Variants in STRC observed in about 807,000 individuals in gnomAD.
STRC encodes the protein stereocilin.
In STRC, 43 loss-of-function variants were observed where a neutral mutation model predicts 103.5. That is an observed-to-expected ratio of 0.42 (90% CI 0.33 to 0.54). The LOEUF is 0.54. Ranked by LOEUF, STRC falls within the 20% of genes least tolerant of loss-of-function variation. STRC has a pLI of 0.14. For missense variants in STRC, 499 were observed against 1,088.5 expected (o/e 0.46, Z 7.62); for synonymous variants, 186 against 442.3 (o/e 0.42, Z 7.27).
In STRC at chr15:43,604,952, C is replaced by T. The variant is rs1256305438; in HGVS notation, c.3931-106G>A. ...AACCTTCCCTCCCTCCTGCTCCCAG[C>T]TCAGCACCCTATGATGCTCACTACC... On this transcript the variant is annotated intron_variant, in intron 19 of 28. Coordinates refer to ENST00000450892, the MANE Select transcript of STRC (RefSeq NM_153700.2). 5.4e-6 allele frequency: 8 copies of T among 1,487,514 alleles called. No individual in the cohort carries two copies. In the East Asian group the frequency reaches 1.7e-4, roughly 31 times the overall value. 92.1% of individuals were successfully genotyped at this position (1,487,514 alleles called of 1,614,324 possible).
At position 43,604,055 on chromosome 15, in the gene STRC, G is replaced by C; in HGVS notation, c.4316C>G (p.Ala1439Gly). 1 of 1,613,302 alleles carries C rather than the reference G, an allele frequency of 6.2e-7. No individual in the cohort carries two copies. Among genetic ancestry groups the C allele is most frequent in the Non-Finnish European group, 8.5e-7 (1 of 1,179,648 alleles). The change falls in exon 22 of 29, where the codon GCT becomes GGT. Residue 1439 changes from alanine (A) to glycine (G), a missense_variant. Physicochemically the swap from Ala to Gly is moderately conservative, Grantham distance 60 (BLOSUM62 0). Transcript: ENST00000450892. ...VGQLCREPQL[A>G]AKKAALVAGV... ...TGCTACCAGGGCTGCTTTCTTGGCAGCAAGCTGTGGCTCCCTACACAGCTG... is the reference window on the plus strand; with the variant it reads ...TGCTACCAGGGCTGCTTTCTTGGCACCAAGCTGTGGCTCCCTACACAGCTG...
rs1173840605 is a variant in STRC, at chr15:43,608,119, G to A, written c.3642C>T (p.His1214=). Residue 1214 remains histidine, a synonymous_variant, in exon 17 of 29, where the codon CAC becomes CAT. Coordinates refer to ENST00000450892, the MANE Select transcript of STRC (RefSeq NM_153700.2). ...NSMVDFLEVV[H]MIYQLPTRVR... Reference sequence around the variant, plus strand: ...CTCTAGTGGGCAGCTGATAGATCATGTGCACCACTTCAAGGAAGTCTACCA... The same window carrying A: ...CTCTAGTGGGCAGCTGATAGATCATATGCACCACTTCAAGGAAGTCTACCA... 2 of 1,608,754 alleles carry A rather than the reference G, an allele frequency of 1.2e-6. No homozygotes were observed. The highest frequency in any genetic ancestry group is 8.5e-7 in the Non-Finnish European group (1 of 1,179,128).
At chr15:43,602,640 CTTTT>C (rs869119412) in intron 23 of STRC, 5 of 126,414 alleles carry the variant, frequency 4.0e-5, no homozygotes, top group Non-Finnish European at 8.1e-5. Flanking sequence ...TGAAGCATGC[CTTTT>C]TTTTTTTTTT....
At position 43,603,321 on chromosome 15, in the gene STRC, T is replaced by A; in HGVS notation, c.4466A>T (p.Glu1489Val). The change falls in exon 23 of 29, where the codon GAG (glutamate) becomes GTG (valine). Residue 1489 changes from glutamate (E) to valine (V), a missense_variant. Glu to Val is a moderately radical substitution (Grantham distance 121, BLOSUM62 -2). Transcript: ENST00000450892. ...TCCTGCAAATAATGTCAGGCAGTCC[T>A]CAAAGTCTGAGAGCTCCATCTCTGC... ...QIAEMELSDF[E>V]DCLTLFAGDP... is the part of the protein sequence containing the mutation. 6.2e-7 allele frequency: 1 copy of A among 1,613,872 alleles called. No homozygotes were observed. The highest frequency in any genetic ancestry group is 8.5e-7 in the Non-Finnish European group (1 of 1,179,894).
Position 43,601,502 on chromosome 15 carries a change from C to T in STRC, c.4595G>A (p.Gly1532Asp). The change falls in exon 24 of 29, where the codon GGT becomes GAT. Residue 1532 changes from glycine to aspartate, a missense_variant. By Grantham distance (94) the Gly-to-Asp change is moderately conservative (BLOSUM62 -1). Transcript: ENST00000450892. ...ATCTCCTAGACCTATTAAGAGCCTA[C>T]CAAGCTGCAGGATCTGCTCAGGACG... ...GFRPEQILQL[G>D]RLLIGLGDRE... 1 of 1,613,842 alleles carries T rather than the reference C, an allele frequency of 6.2e-7. No homozygotes were observed. The highest frequency in any genetic ancestry group is 8.5e-7 in the Non-Finnish European group (1 of 1,179,880).
chr15:43,600,307 T>C lies in STRC; in HGVS notation c.4994-14A>G. 1 of 890,218 alleles carries C rather than the reference T, an allele frequency of 1.1e-6. No individual in the cohort carries two copies. The highest frequency in any genetic ancestry group is 1.4e-5 in the South Asian group (1 of 70,024). 55.1% of individuals were successfully genotyped at this position (890,218 alleles called of 1,614,324 possible). A position where few individuals can be genotyped will look rare whatever the true frequency, so the allele number is the denominator to read the frequency against. On this transcript the variant is annotated splice_polypyrimidine_tract_variant and intron_variant, in intron 26 of 28. Coordinates refer to ENST00000450892, the MANE Select transcript of STRC (RefSeq NM_153700.2). ...CTGGGATCCCAGCTGTTGAAGCAAG[T>C]GGCATCCAAACATTGTCTTAGACTG...
chr15:43,602,370 G>A (rs2085676968), intron 23 of STRC, among the ~76,000 whole-genome samples: 1 of 151,756 alleles, frequency 6.6e-6, no homozygotes, highest in Non-Finnish European at 1.5e-5. Flanking sequence ...TTTTAGTAGA[G>A]ACAGGGTTTC....
intron 23 of STRC, among the ~76,000 whole-genome samples, chr15:43,602,082 T>G (rs2085674000): frequency 8.4e-6 from 1 of 119,564 alleles, no homozygotes; most frequent in Non-Finnish European, 1.6e-5. Context: ...ACCACTGCAC[T>G]CCAGCCTGGA....
chr15:43,600,245 T>C lies in STRC; in HGVS notation c.5042A>G (p.Gln1681Arg). 5 of 1,273,562 alleles carry C rather than the reference T, an allele frequency of 3.9e-6. No homozygotes were observed. Among genetic ancestry groups the C allele is most frequent in the Non-Finnish European group, 5.6e-6 (5 of 898,122 alleles). 78.9% of individuals were successfully genotyped at this position (1,273,562 alleles called of 1,614,324 possible). The stretch of plus-strand genomic sequence containing the variant: ...AGAAATGGCAAGAGGAGTAACGCCC[T>C]GGATCTGTCCCCGCAGCAGTGCTGA... ...ALSALLRGQI[Q>R]GVTPLAISVI... Residue 1681 changes from glutamine to arginine, a missense_variant, in exon 27 of 29, where the codon CAG (glutamine) becomes CGG (arginine). Physicochemically the swap from Gln to Arg is conservative, Grantham distance 43 (BLOSUM62 1). Coordinates refer to ENST00000450892, the MANE Select transcript of STRC (RefSeq NM_153700.2).
At chr15:43,605,085 A>G in intron 19 of STRC, 179 bp downstream of exon 19, 1 of 1,163,666 alleles carries the variant, frequency 8.6e-7, no homozygotes, top group Non-Finnish European at 1.2e-6. Context: ...AAGTAACGTG[A>G]AGCATATTAT....
chr15:43,603,626 A>G (rs1441406921), intron 22 of STRC: 1 of 657,300 alleles, frequency 1.5e-6, no homozygotes, highest in Non-Finnish European at 2.6e-6. Flanking sequence ...TGGAAGACTG[A>G]GGATGTTATT....
At chr15:43,602,788 G>A (rs1266477022) in intron 23 of STRC, 1 of 213,462 alleles carries the variant, frequency 4.7e-6, no homozygotes, top group Admixed American at 5.3e-5. Context: ...GGGACAACAA[G>A]TGTGCACCAC....
intron 18 of STRC, 99 bp from the exon 19 acceptor site, chr15:43,605,498 A>C: frequency 6.5e-7 from 1 of 1,541,736 alleles, no homozygotes; most frequent in East Asian, 2.5e-5. Flanking sequence ...ATGTGACCCC[A>C]GACCAAATTT....
chr15:43,605,486 A>T, intron 18 of STRC, 87 bp from the exon 19 acceptor site: 1 of 1,547,634 alleles, frequency 6.5e-7, no homozygotes, highest in Admixed American at 2.0e-5. Flanking sequence ...TCCGCAGCTA[A>T]GATGTGACCC....
At chr15:43,606,292 T>C (rs2085709945) in intron 18 of STRC, among the ~76,000 whole-genome samples, 1 of 88,414 alleles carries the variant, frequency 1.1e-5, no homozygotes, top group Admixed American at 1.3e-4. Context: ...TAAACAGATC[T>C]GAATGGCATT....
At chr15:43,603,186 C>T (rs2085685535) in intron 23 of STRC, 56 bp downstream of exon 23, 9 of 1,578,246 alleles carry the variant, frequency 5.7e-6, no homozygotes, top group Middle Eastern at 2.2e-4. Context: ...TTGTGTCCTA[C>T]ATCACACCCA....
rs755675902 is a variant in STRC, at chr15:43,604,342, C to T, written c.4218+19G>A. 1.3e-6 allele frequency: 2 copies of T among 1,566,170 alleles called. No individual in the cohort carries two copies. The highest frequency in any genetic ancestry group is 8.7e-7 in the Non-Finnish European group (1 of 1,152,430). ...TCCCCTCTATGCATTTACTCCCTTC[C>T]CTTCTTCCTTCATCTCACCCTGGGG... On this transcript the variant is annotated intron_variant, in intron 21 of 28. Coordinates refer to ENST00000450892, the MANE Select transcript of STRC (RefSeq NM_153700.2).
In STRC at chr15:43,604,035, C is replaced by T. The variant is rs779672416; in HGVS notation, c.4336G>A (p.Val1446Ile). The change falls in exon 22 of 29, where the codon GTA (valine) becomes ATA (isoleucine). Residue 1446 changes from valine (V) to isoleucine (I), a missense_variant. Physicochemically the swap from Val to Ile is conservative, Grantham distance 29 (BLOSUM62 3). Coordinates refer to ENST00000450892, the MANE Select transcript of STRC (RefSeq NM_153700.2). ...PQLAAKKAAL[V>I]AGVVRPAAED... ...GCAGCTGGTCGCACCACCCCTGCTACCAGGGCTGCTTTCTTGGCAGCAAGC... is the reference window on the plus strand; with the variant it reads ...GCAGCTGGTCGCACCACCCCTGCTATCAGGGCTGCTTTCTTGGCAGCAAGC... 5 of 1,613,244 alleles carry T rather than the reference C, an allele frequency of 3.1e-6. No homozygotes were observed. Among genetic ancestry groups the T allele is most frequent in the South Asian group, 1.1e-5 (1 of 91,032 alleles).
At chr15:43,608,724 GA>G (rs144553505) in intron 16 of STRC, among the ~76,000 whole-genome samples, 19,893 of 71,636 alleles carry the variant, frequency 0.28, 3,963 homozygotes, top group African/African-American at 0.58. Context: ...AGACTGTCTC[GA>G]AAAAAAAAAA....
Sources: gnomAD v4.1 joint callset for allele counts (sites outside exome capture counted in the v4.1 genomes callset) on GRCh38, gnomAD v4.1.1 for gene constraint, MANE v1.5 for transcripts, NCBI Gene and HGNC (gene_info 2026-07-23, HGNC 2026-07-21) for gene names.